TF: variants seen among roughly 807,000 people sequenced by gnomAD.
TF encodes serotransferrin.
TF carries 55 observed loss-of-function variants against 82.4 expected under a neutral mutation model. The ratio of observed to expected loss-of-function variants is 0.67; its 90% confidence interval spans 0.54 to 0.84. The LOEUF (loss-of-function observed/expected upper bound fraction) is 0.84, where lower values mean the gene tolerates loss of function less well. TF is among the 40% of genes least tolerant of loss of function. TF has a pLI of 0.00. For missense variants in TF, 737 were observed against 868.4 expected, an observed-to-expected ratio of 0.85 and a Z score of 1.90; for synonymous variants, 332 against 332.6, an observed-to-expected ratio of 1.00 and a Z score of 0.02.
At chr3:133,735,182 A>T in the TF span, among the ~76,000 whole-genome samples, 1 of 152,050 alleles carries the variant, frequency 6.6e-6, no homozygotes, top group African/African-American at 2.4e-5. Context: ...CTCTACTAAA[A>T]ATACAAAAAT....
chr3:133,753,738 C>A (rs1380542372), intron 3 of TF, 35 bp downstream of exon 3: 1 of 1,526,858 alleles, frequency 6.5e-7, no homozygotes, highest in Non-Finnish European at 9.1e-7. Flanking sequence ...AAGGAGTTGT[C>A]ATCCTTATTC....
At chr3:133,707,162 G>A in the TF span, among the ~76,000 whole-genome samples, 1 of 148,880 alleles carries the variant, frequency 6.7e-6, no homozygotes, top group South Asian at 2.1e-4. Context: ...TGCCATCTGA[G>A]TAGAGAGGGG....
the TF span, among the ~76,000 whole-genome samples, chr3:133,731,417 C>T: frequency 4.4e-4 from 67 of 152,344 alleles, no homozygotes; most frequent in African/African-American, 1.3e-3. Flanking sequence ...TCTAGCTTTC[C>T]ATCTTGCTGG....
intron 8 of TF, among the ~76,000 whole-genome samples, chr3:133,758,760 T>C (rs1052724888): frequency 5.9e-5 from 9 of 152,228 alleles, no homozygotes; most frequent in African/African-American, 2.2e-4. Flanking sequence ...AGCATTGCCC[T>C]AACCCTGAGG....
chr3:133,757,056 G>C (rs1303398245), intron 7 of TF, 47 bp downstream of exon 7: 1 of 1,612,846 alleles, frequency 6.2e-7, no homozygotes, highest in South Asian at 1.1e-5. Context: ...CTCCCTGCTT[G>C]GATTTGGGGG....
the TF span, among the ~76,000 whole-genome samples, chr3:133,740,564 T>C: frequency 6.6e-6 from 1 of 152,078 alleles, no homozygotes; most frequent in Admixed American, 6.6e-5. Flanking sequence ...CTCCTGACCT[T>C]AAGTGATCCT....
the TF span, among the ~76,000 whole-genome samples, chr3:133,732,600 C>T: frequency 6.6e-6 from 1 of 152,246 alleles, no homozygotes; most frequent in African/African-American, 2.4e-5. Flanking sequence ...TTTGGGTCCA[C>T]ACTACCTTTA....
chr3:133,682,400 T>C, the TF span, among the ~76,000 whole-genome samples: 1 of 151,842 alleles, frequency 6.6e-6, no homozygotes, highest in Non-Finnish European at 1.5e-5. Context: ...TCGGTAATAA[T>C]AAACTTCTCC....
At chr3:133,739,076 A>G in the TF span, among the ~76,000 whole-genome samples, 1 of 152,258 alleles carries the variant, frequency 6.6e-6, no homozygotes, top group Non-Finnish European at 1.5e-5. Flanking sequence ...CTACAAGGCT[A>G]CAGTAACCAA....
chr3:133,753,230 C>T lies in TF; in HGVS notation c.217-365C>T, dbSNP rs1445668729. On this transcript the variant is annotated intron_variant, in intron 2 of 16. Transcript: ENST00000402696. ...AGAGTCCCCTCCAGAGACTGCATTG[C>T]ACTGGCTGTGCTCTGAGTCTGGGGT... Among the ~76,000 whole-genome samples, 3 of 152,332 alleles carry T rather than the reference C, an allele frequency of 2.0e-5. No individual in the cohort carries two copies. In the East Asian group the frequency reaches 5.8e-4, roughly 29 times the overall value.
In TF at chr3:133,753,483, G is replaced by A; in HGVS notation, c.217-112G>A. On this transcript the variant is annotated intron_variant, in intron 2 of 16. Coordinates refer to ENST00000402696, the MANE Select transcript of TF (RefSeq NM_001063.4). Reference sequence around the variant, plus strand: ...GCAGGGCTGTGCGTGGTCTAGTCAAGTTCTGGCCCTGGGTCCGTGGAGTCC... The same window carrying A: ...GCAGGGCTGTGCGTGGTCTAGTCAAATTCTGGCCCTGGGTCCGTGGAGTCC... 3 of 910,566 alleles carry A rather than the reference G, an allele frequency of 3.3e-6. No individual in the cohort carries two copies. The Admixed American group carries it at 5.5e-5, about 17-fold the overall frequency. The allele number at this position is 910,566 out of a possible 1,614,324, so 56.4% of individuals were successfully genotyped here. A position where few individuals can be genotyped will look rare whatever the true frequency, so the allele number is the denominator to read the frequency against.
At chr3:133,740,986 A>ATTTT in the TF span, among the ~76,000 whole-genome samples, 127 of 47,492 alleles carry the variant, frequency 2.7e-3, 2 homozygotes, top group Non-Finnish European at 3.6e-3. Flanking sequence ...ATCCAGCTCT[A>ATTTT]TTTTTTTTTT....
At chr3:133,753,955 C>T in intron 3 of TF, 1 of 587,852 alleles carries the variant, frequency 1.7e-6, no homozygotes, top group Non-Finnish European at 3.0e-6. Flanking sequence ...AGAAACACAG[C>T]AGGCTGTGTG....
the TF span, among the ~76,000 whole-genome samples, chr3:133,680,752 A>G: frequency 1.3e-5 from 2 of 152,134 alleles, no homozygotes; most frequent in African/African-American, 4.8e-5. Context: ...GTGTAAGGTA[A>G]TTTGGCATCT....
chr3:133,707,390 T>G, the TF span: 1 of 152,266 alleles, frequency 6.6e-6, no homozygotes, highest in Non-Finnish European at 1.5e-5. Flanking sequence ...GGGAGGGGCC[T>G]CCAGTCCTGC....
the TF span, among the ~76,000 whole-genome samples, chr3:133,740,980 A>T: frequency 8.3e-6 from 1 of 120,746 alleles, no homozygotes; most frequent in African/African-American, 3.2e-5. Context: ...ACCTTGATCC[A>T]GCTCTATTTT....
At chr3:133,743,223 T>G (rs1933427209), upstream of TF, among the ~76,000 whole-genome samples, 1 of 152,184 alleles carries the variant, frequency 6.6e-6, no homozygotes, top group Admixed American at 6.5e-5. Context: ...GCTGCCCCAA[T>G]GATCTTGCCC....
chr3:133,693,207 T>G, the TF span, among the ~76,000 whole-genome samples: 3 of 151,960 alleles, frequency 2.0e-5, no homozygotes, highest in Non-Finnish European at 2.9e-5. Context: ...ACTGAGGCCC[T>G]CTAAGAAAAG....
intron 2 of TF, 37 bp downstream of exon 2, chr3:133,748,621 C>T: frequency 6.2e-7 from 1 of 1,610,172 alleles, no homozygotes; most frequent in Non-Finnish European, 8.5e-7. Flanking sequence ...TGGAAGAAAG[C>T]CATACTTTCT....
Sources: allele counts gnomAD v4.1 joint callset (sites outside exome capture counted in the v4.1 genomes callset), GRCh38; gene constraint gnomAD v4.1.1; transcripts MANE v1.5; gene names NCBI Gene and HGNC (gene_info 2026-07-23, HGNC 2026-07-21).